SORCS2: variants seen among roughly 807,000 people sequenced by gnomAD.
The protein encoded by SORCS2 is sortilin related VPS10 domain containing receptor 2, also known as VPS10 domain-containing receptor SorCS2.
A neutral mutation model predicts 141.6 loss-of-function variants in SORCS2; 100 were observed. The observed-to-expected ratio is 0.71, with a 90% CI of 0.60 to 0.83. The LOEUF is 0.83. SORCS2 is among the 40% of genes least tolerant of loss of function. SORCS2 has a pLI of 0.00. For synonymous variants in SORCS2, 789 were observed against 676.9 expected (o/e 1.17, Z -2.57); for missense variants, 1,646 against 1,560.2 (o/e 1.05, Z -0.93).
At chr4:7,418,886 T>C (rs1299870008) in intron 2 of SORCS2, among the ~76,000 whole-genome samples, 2 of 152,212 alleles carry the variant, frequency 1.3e-5, no homozygotes, top group Non-Finnish European at 2.9e-5. Flanking sequence ...TTGGCTGGCC[T>C]TTGCCTGGGG....
At chr4:7,714,103 C>A in intron 15 of SORCS2, 137 bp from the exon 16 acceptor site, 1 of 1,273,926 alleles carries the variant, frequency 7.8e-7, no homozygotes, top group Non-Finnish European at 1.1e-6. Flanking sequence ...TGTCACGCCC[C>A]ATTATGGGCC....
intron 3 of SORCS2, among the ~76,000 whole-genome samples, chr4:7,618,331 G>A (rs774493400): frequency 6.6e-5 from 10 of 152,004 alleles, no homozygotes; most frequent in Non-Finnish European, 1.2e-4. Flanking sequence ...TTCAGCCCCA[G>A]GGCCCAAGCA....
chr4:7,512,076 C>T (rs1010825521), intron 2 of SORCS2, among the ~76,000 whole-genome samples: 20 of 152,170 alleles, frequency 1.3e-4, no homozygotes, highest in African/African-American at 4.6e-4. Context: ...AGTTGAGTCA[C>T]ATTCTGGAAT....
At chr4:7,625,697 C>T (rs912225948) in intron 3 of SORCS2, among the ~76,000 whole-genome samples, 6 of 141,724 alleles carry the variant, frequency 4.2e-5, no homozygotes, top group Admixed American at 7.1e-5. Flanking sequence ...GATGGAAGGA[C>T]GGATGGAGGG....
chr4:7,699,037 A>G (rs1577088844), intron 12 of SORCS2, among the ~76,000 whole-genome samples: 2 of 152,342 alleles, frequency 1.3e-5, no homozygotes, highest in East Asian at 3.9e-4. Context: ...CGAATGTGGA[A>G]TGCCAGAGTG....
chr4:7,694,943 C>G (rs75193299), intron 11 of SORCS2, among the ~76,000 whole-genome samples: 23,457 of 151,736 alleles, frequency 0.15, 1,884 homozygotes, highest in South Asian at 0.31. Context: ...CTCCTTGAGG[C>G]TCTCCTTGAG....
At chr4:7,722,461 C>T (rs1238145278) in intron 18 of SORCS2, among the ~76,000 whole-genome samples, 1 of 152,188 alleles carries the variant, frequency 6.6e-6, no homozygotes, top group African/African-American at 2.4e-5. Context: ...GCCGGGTGGC[C>T]TGAACCCACA....
chr4:7,531,430 C>A, intron 2 of SORCS2, 100 bp from the exon 3 acceptor site: 1 of 1,109,352 alleles, frequency 9.0e-7, no homozygotes, highest in Non-Finnish European at 1.3e-6. Context: ...CTGGGGCACT[C>A]GGCCCGCACG....
At chr4:7,525,079 TC>T (rs775449045) in intron 2 of SORCS2, among the ~76,000 whole-genome samples, 4 of 152,196 alleles carry the variant, frequency 2.6e-5, no homozygotes, top group African/African-American at 4.8e-5. Flanking sequence ...CCAGCTTTGT[TC>T]CTTGCAATAA....
intron 2 of SORCS2, among the ~76,000 whole-genome samples, chr4:7,444,346 A>T (rs540564642): frequency 1.3e-5 from 2 of 152,278 alleles, no homozygotes; most frequent in East Asian, 3.9e-4. Flanking sequence ...GGAGAGGTGG[A>T]GACATTGTAT....
chr4:7,294,327 C>T (rs1246234282), intron 1 of SORCS2, among the ~76,000 whole-genome samples: 1 of 152,134 alleles, frequency 6.6e-6, no homozygotes, highest in African/African-American at 2.4e-5. Flanking sequence ...TGAGAACAGG[C>T]ATCCTCTGGT....
chr4:7,399,783 A>T (rs1724454673), intron 2 of SORCS2, among the ~76,000 whole-genome samples: 1 of 152,186 alleles, frequency 6.6e-6, no homozygotes, highest in Non-Finnish European at 1.5e-5. Flanking sequence ...CAAGAAAGTC[A>T]CTTAGAAAAG....
At chr4:7,719,320 G>A (rs1194700861) in intron 18 of SORCS2, among the ~76,000 whole-genome samples, 4 of 152,348 alleles carry the variant, frequency 2.6e-5, no homozygotes, top group Non-Finnish European at 5.9e-5. Context: ...CAGCGCCTCC[G>A]TGGCGGGCGC....
At position 7,664,810 on chromosome 4, in the gene SORCS2, G is replaced by A. The variant is rs894106800; in HGVS notation, c.1071+339G>A. 2.6e-5 allele frequency among the ~76,000 whole-genome samples: 4 copies of A among 152,134 alleles called. No individual in the cohort carries two copies. The highest frequency in any genetic ancestry group is 1.9e-4 in the East Asian group (1 of 5,180). On this transcript the variant is annotated intron_variant, in intron 7 of 26. Transcript: ENST00000507866. This position sits in a 1 kb window ranked among gnomAD's most constrained non-coding sequence, Gnocchi z 4.7. ...ACTGACCAGGACTGCTTCTGGTCCC[G>A]GCTCTTGGCCACCAGGCACCGGCTA... is the stretch of plus-strand genomic sequence containing the variant.
At chr4:7,442,924 G>A (rs1024534832) in intron 2 of SORCS2, among the ~76,000 whole-genome samples, 2 of 152,104 alleles carry the variant, frequency 1.3e-5, no homozygotes, top group African/African-American at 4.8e-5. Context: ...AAGGCTGCGG[G>A]GAGGCTCCTT....
intron 3 of SORCS2, among the ~76,000 whole-genome samples, chr4:7,568,767 T>A (rs993009195): frequency 6.6e-6 from 1 of 152,200 alleles, no homozygotes; most frequent in South Asian, 2.1e-4. Context: ...TTGGGAACCA[T>A]AGTGCTATCC....
chr4:7,474,531 G>T (rs531843423), intron 2 of SORCS2, among the ~76,000 whole-genome samples: 1 of 152,334 alleles, frequency 6.6e-6, no homozygotes, highest in African/African-American at 2.4e-5. Flanking sequence ...TGGGCCAGCA[G>T]GGGGCTCGGA....
intron 1 of SORCS2, among the ~76,000 whole-genome samples, chr4:7,317,328 A>AG (rs1718625068): frequency 1.3e-5 from 2 of 152,182 alleles, no homozygotes; most frequent in South Asian, 4.1e-4. Flanking sequence ...AGGAGCTGAC[A>AG]GGGCCTGGGC....
intron 1 of SORCS2, among the ~76,000 whole-genome samples, chr4:7,366,379 G>C (rs979922388): frequency 1.3e-5 from 2 of 151,968 alleles, no homozygotes; most frequent in Non-Finnish European, 2.9e-5. Context: ...CTCCCGGGCA[G>C]CCTGCGGGGG....
Sources: gnomAD v4.1 joint callset for allele counts (sites outside exome capture counted in the v4.1 genomes callset) on GRCh38, gnomAD v4.1.1 for gene constraint, Gnocchi (gnomAD v3.1) non-coding constraint, MANE v1.5 for transcripts, NCBI Gene and HGNC (gene_info 2026-07-23, HGNC 2026-07-21) for gene names.